Variants in PSMB7 observed in about 807,000 individuals in gnomAD.
PSMB7 encodes proteasome subunit beta type-7.
PSMB7 carries 5 observed loss-of-function variants against 28.1 expected under a neutral mutation model. That is an observed-to-expected ratio of 0.18 (90% CI 0.09 to 0.37). The LOEUF (loss-of-function observed/expected upper bound fraction) is 0.37, where lower values mean the gene tolerates loss of function less well. Among genes scored for constraint, PSMB7 ranks in the 10% least tolerant of loss-of-function variants. PSMB7 has a pLI of 1.00. For missense variants in PSMB7, 275 were observed against 346.2 expected (o/e 0.79, Z 1.63); for synonymous variants, 122 against 123.7 (o/e 0.99, Z 0.09).
intron 3 of PSMB7, among the ~76,000 whole-genome samples, chr9:124,412,791 C>G (rs1030168365): frequency 1.3e-5 from 2 of 152,052 alleles, no homozygotes; most frequent in Non-Finnish European, 2.9e-5. Flanking sequence ...TACAGAAGTG[C>G]CAGGTGTGTT....
intron 5 of PSMB7, among the ~76,000 whole-genome samples, chr9:124,400,723 C>T (rs999642939): frequency 1.3e-5 from 2 of 150,672 alleles, no homozygotes; most frequent in African/African-American, 2.5e-5. Flanking sequence ...TTAAATCATC[C>T]AGTGACTCAA....
At chr9:124,394,856 G>C (rs576628768) in intron 5 of PSMB7, among the ~76,000 whole-genome samples, 1 of 152,022 alleles carries the variant, frequency 6.6e-6, no homozygotes, top group Admixed American at 6.5e-5. Context: ...CAACTTTCAC[G>C]GGCTTTTGGT....
At position 124,356,903 on chromosome 9, in the gene PSMB7, T is replaced by G; in HGVS notation, c.583A>C (p.Lys195Gln). ...FRPDMEEEEA[K>Q]NLVSEAIAAG... ...GCGATGGCTTCGCTCACCAGATTCT[T>G]GGCTTCCTCCTCCTGAGAAACAGAA... The change falls in exon 7 of 8, where the codon AAG (lysine) becomes CAG (glutamine). Residue 195 changes from lysine to glutamine, a missense_variant. Coordinates refer to ENST00000259457, the MANE Select transcript of PSMB7 (RefSeq NM_002799.4). This position sits in a 1 kb window ranked among gnomAD's most constrained non-coding sequence, Gnocchi z 4.4. The G allele has an allele frequency of 6.2e-7, 1 of 1,614,192 alleles. No homozygotes were observed. Among genetic ancestry groups the G allele is most frequent in the African/African-American group, 1.3e-5 (1 of 75,052 alleles).
intron 4 of PSMB7, among the ~76,000 whole-genome samples, chr9:124,406,379 G>A (rs1213025435): frequency 6.6e-6 from 1 of 151,556 alleles, no homozygotes; most frequent in Admixed American, 6.6e-5. Flanking sequence ...GCATGTACCT[G>A]TAGTCCCAGA....
chr9:124,364,442 C>T (rs1358443940), intron 6 of PSMB7, among the ~76,000 whole-genome samples: 3 of 147,242 alleles, frequency 2.0e-5, no homozygotes, highest in Non-Finnish European at 4.5e-5. Flanking sequence ...TTGCTTTCCA[C>T]AAGGAGAAGA....
At chr9:124,412,284 T>C (rs1831035771) in intron 4 of PSMB7, 68 bp downstream of exon 4, 1 of 1,497,028 alleles carries the variant, frequency 6.7e-7, no homozygotes, top group African/African-American at 1.4e-5. Context: ...TCCAGGCTTC[T>C]CTTGGCTGAA....
At chr9:124,364,368 A>G (rs774955809) in intron 6 of PSMB7, among the ~76,000 whole-genome samples, 13 of 152,218 alleles carry the variant, frequency 8.5e-5, no homozygotes, top group Non-Finnish European at 1.8e-4. Context: ...AATCCGTGAC[A>G]GTGAATGGAA....
chr9:124,388,233 G>A (rs1395968451), intron 5 of PSMB7, among the ~76,000 whole-genome samples: 1 of 152,202 alleles, frequency 6.6e-6, no homozygotes, highest in East Asian at 1.9e-4. Flanking sequence ...GAACTGTCTG[G>A]TTTCCCATTA....
rs1831070899 is a variant in PSMB7, at chr9:124,414,903, C to T, written c.95G>A (p.Arg32Lys). The T allele has an allele frequency of 1.2e-6, 2 of 1,613,284 alleles. No individual in the cohort carries two copies. The highest frequency in any genetic ancestry group is 1.3e-5 in the African/African-American group (1 of 74,974). The change falls in exon 2 of 8, where the codon AGG becomes AAG. Residue 32 changes from arginine (R) to lysine (K), a missense_variant. By Grantham distance (26) the Arg-to-Lys change is conservative. Coordinates refer to ENST00000259457, the MANE Select transcript of PSMB7 (RefSeq NM_002799.4). ...NAVLEADFAK[R>K]GYKLPKVRKT... ...CCGGACCTTTGGAAGCTTGTATCCC[C>T]TCTTTGCAAAATCGGCTTCCAAGAC... is the stretch of plus-strand genomic sequence containing the variant.
At chr9:124,380,261 T>A (rs1289874837) in intron 6 of PSMB7, among the ~76,000 whole-genome samples, 1 of 152,210 alleles carries the variant, frequency 6.6e-6, no homozygotes. Flanking sequence ...TTTATTTCTA[T>A]CAATAGTATG....
chr9:124,379,296 G>A (rs1811709525), intron 6 of PSMB7, among the ~76,000 whole-genome samples: 1 of 151,704 alleles, frequency 6.6e-6, no homozygotes, highest in African/African-American at 2.4e-5. Flanking sequence ...AAGTAAAGTT[G>A]TGTTTAACAC....
At chr9:124,385,904 T>G (rs748637447) in intron 5 of PSMB7, among the ~76,000 whole-genome samples, 1 of 152,034 alleles carries the variant, frequency 6.6e-6, no homozygotes, top group Non-Finnish European at 1.5e-5. Context: ...ATTTAAAGGG[T>G]AGAAACAGCA....
chr9:124,388,804 G>A (rs1179105479), intron 5 of PSMB7, among the ~76,000 whole-genome samples: 1 of 152,080 alleles, frequency 6.6e-6, no homozygotes, highest in Non-Finnish European at 1.5e-5. Flanking sequence ...GCAGTCCACA[G>A]AACTCCCAGT....
chr9:124,396,629 T>G, intron 5 of PSMB7: 1 of 382,822 alleles, frequency 2.6e-6, no homozygotes, highest in Non-Finnish European at 5.3e-6. Flanking sequence ...GCAATGTTTA[T>G]TCCTTAAGTC....
At chr9:124,374,737 T>C (rs1441834493) in intron 6 of PSMB7, among the ~76,000 whole-genome samples, 1 of 152,072 alleles carries the variant, frequency 6.6e-6, no homozygotes, top group African/African-American at 2.4e-5. Context: ...GGCAGGAGGA[T>C]CCCTTGAACC....
chr9:124,365,341 A>C (rs1447833138), intron 6 of PSMB7, among the ~76,000 whole-genome samples: 1 of 152,184 alleles, frequency 6.6e-6, no homozygotes, highest in Non-Finnish European at 1.5e-5. Flanking sequence ...GGTGATGGAG[A>C]CTGGGCAGGG....
chr9:124,409,248 G>A (rs948956689), intron 4 of PSMB7, among the ~76,000 whole-genome samples: 1 of 152,140 alleles, frequency 6.6e-6, no homozygotes, highest in Admixed American at 6.5e-5. Flanking sequence ...CTCCCTGAAT[G>A]GCAAAGTTTT....
chr9:124,375,742 CTT>C (rs1318363786), intron 6 of PSMB7, among the ~76,000 whole-genome samples: 17 of 152,186 alleles, frequency 1.1e-4, no homozygotes, highest in African/African-American at 4.1e-4. Flanking sequence ...TTTGCATTTA[CTT>C]AAAACTCTGT....
chr9:124,411,989 C>A (rs565192080), intron 4 of PSMB7, among the ~76,000 whole-genome samples: 2 of 152,220 alleles, frequency 1.3e-5, no homozygotes, highest in Admixed American at 1.3e-4. Flanking sequence ...GAAGGAGAGA[C>A]AATCATTTGG....
Sources: allele counts gnomAD v4.1 joint callset (sites outside exome capture counted in the v4.1 genomes callset), GRCh38; gene constraint gnomAD v4.1.1; non-coding constraint Gnocchi (gnomAD v3.1); transcripts MANE v1.5; gene names NCBI Gene and HGNC (gene_info 2026-07-23, HGNC 2026-07-21).